HS6ST3: variants seen among roughly 807,000 people sequenced by gnomAD.
HS6ST3 encodes the protein heparan-sulfate 6-O-sulfotransferase 3.
HS6ST3 carries 12 observed loss-of-function variants against 36.7 expected under a neutral mutation model. The ratio of observed to expected loss-of-function variants is 0.33; its 90% CI spans 0.21 to 0.53. The LOEUF (loss-of-function observed/expected upper bound fraction) is 0.53, where lower values mean the gene tolerates loss of function less well. HS6ST3 is among the 20% of genes least tolerant of loss of function. HS6ST3 has a pLI of 0.95. For synonymous variants in HS6ST3, 240 were observed against 257.5 expected (o/e 0.93, Z 0.65); for missense variants, 584 against 640.9 (o/e 0.91, Z 0.96).
At chr13:96,170,853 G>A (rs1052996216) in intron 1 of HS6ST3, among the ~76,000 whole-genome samples, 1 of 152,222 alleles carries the variant, frequency 6.6e-6, no homozygotes, top group African/African-American at 2.4e-5. Context: ...GAAACGTGGT[G>A]GAGGAAACTG....
chr13:96,383,824 A>T (rs1200412277), intron 1 of HS6ST3, among the ~76,000 whole-genome samples: 1 of 152,162 alleles, frequency 6.6e-6, no homozygotes, highest in Non-Finnish European at 1.5e-5. Flanking sequence ...TGATGGACAG[A>T]TGGGGTCCGA....
chr13:96,294,674 G>A (rs974362002), intron 1 of HS6ST3, among the ~76,000 whole-genome samples: 30 of 152,142 alleles, frequency 2.0e-4, no homozygotes, highest in Admixed American at 1.6e-3. Context: ...TGTGTAAAAA[G>A]GCCATGATTA....
chr13:96,796,617 C>T (rs973136057), intron 1 of HS6ST3, among the ~76,000 whole-genome samples: 1 of 152,014 alleles, frequency 6.6e-6, no homozygotes. Flanking sequence ...ATTATGAGAC[C>T]TTGAACACAT....
intron 1 of HS6ST3, among the ~76,000 whole-genome samples, chr13:96,707,270 G>A (rs1421512631): frequency 6.6e-6 from 1 of 152,136 alleles, no homozygotes; most frequent in Non-Finnish European, 1.5e-5. Flanking sequence ...CTCCATGTGA[G>A]AATATGGCAA....
chr13:96,450,021 G>A (rs1431765731), intron 1 of HS6ST3, among the ~76,000 whole-genome samples: 1 of 152,164 alleles, frequency 6.6e-6, no homozygotes, highest in Non-Finnish European at 1.5e-5. Flanking sequence ...AGCAGCCCCA[G>A]GTTGGACAGT....
intron 1 of HS6ST3, among the ~76,000 whole-genome samples, chr13:96,099,712 TTTC>T (rs2053808820): frequency 6.6e-6 from 1 of 152,244 alleles, no homozygotes; most frequent in African/African-American, 2.4e-5. Flanking sequence ...GCTTTCTAGT[TTTC>T]TTATAAACAT....
intron 1 of HS6ST3, among the ~76,000 whole-genome samples, chr13:96,270,520 A>G (rs2054714670): frequency 6.6e-6 from 1 of 151,956 alleles, no homozygotes; most frequent in East Asian, 1.9e-4. Flanking sequence ...TGGATTATGA[A>G]TTACCTTCAC....
chr13:96,116,748 T>C (rs1174135197), intron 1 of HS6ST3, among the ~76,000 whole-genome samples: 1 of 152,116 alleles, frequency 6.6e-6, no homozygotes, highest in Non-Finnish European at 1.5e-5. Context: ...TATTTTAAAT[T>C]GTTGATGAGA....
chr13:96,674,621 A>T (rs1026804917), intron 1 of HS6ST3, among the ~76,000 whole-genome samples: 4 of 151,752 alleles, frequency 2.6e-5, no homozygotes, highest in African/African-American at 9.7e-5. Flanking sequence ...CCTCACATGG[A>T]CTCGTTGTTG....
chr13:96,702,296 C>T (rs1418488475), intron 1 of HS6ST3, among the ~76,000 whole-genome samples: 1 of 152,168 alleles, frequency 6.6e-6, no homozygotes. Flanking sequence ...AAGGAGTCTG[C>T]TTTTTCTTTA....
At chr13:96,442,573 G>C (rs528508776) in intron 1 of HS6ST3, among the ~76,000 whole-genome samples, 1 of 152,110 alleles carries the variant, frequency 6.6e-6, no homozygotes, top group South Asian at 2.1e-4. Context: ...CTTGAACATG[G>C]ATAGCAGAAA....
intron 1 of HS6ST3, among the ~76,000 whole-genome samples, chr13:96,118,288 G>T (rs1036189363): frequency 6.6e-6 from 1 of 152,092 alleles, no homozygotes; most frequent in Non-Finnish European, 1.5e-5. Flanking sequence ...TAGAGATTAG[G>T]ATACAGACAC....
chr13:96,273,723 A>G (rs1261467792), intron 1 of HS6ST3, among the ~76,000 whole-genome samples: 1 of 152,154 alleles, frequency 6.6e-6, no homozygotes, highest in Non-Finnish European at 1.5e-5. Context: ...ACAGAAACTC[A>G]ACTGAAATTA....
intron 1 of HS6ST3, among the ~76,000 whole-genome samples, chr13:96,765,319 T>A (rs112822439): frequency 0.13 from 20,190 of 151,620 alleles, 1,749 homozygotes; most frequent in Non-Finnish European, 0.19. Context: ...TGATCTGCCC[T>A]CCTTGGCCTC....
At chr13:96,163,419 T>TG (rs960619481) in intron 1 of HS6ST3, among the ~76,000 whole-genome samples, 17 of 151,760 alleles carry the variant, frequency 1.1e-4, no homozygotes, top group African/African-American at 3.9e-4. Context: ...TTAGTAGAGA[T>TG]GGGGTTTCAC....
At chr13:96,234,568 A>T (rs1266985899) in intron 1 of HS6ST3, among the ~76,000 whole-genome samples, 1 of 152,152 alleles carries the variant, frequency 6.6e-6, no homozygotes, top group African/African-American at 2.4e-5. Context: ...GAGCAAAGAC[A>T]TGTCTTACAT....
At chr13:96,111,114 C>T (rs2053866427) in intron 1 of HS6ST3, among the ~76,000 whole-genome samples, 1 of 152,118 alleles carries the variant, frequency 6.6e-6, no homozygotes, top group African/African-American at 2.4e-5. Flanking sequence ...GTTGACTGTG[C>T]AGGATCACTC....
chr13:96,478,804 G>T (rs1460202273), intron 1 of HS6ST3, among the ~76,000 whole-genome samples: 1 of 152,130 alleles, frequency 6.6e-6, no homozygotes, highest in Non-Finnish European at 1.5e-5. Flanking sequence ...GGAGATTTGG[G>T]GGCTAAGAAG....
At chr13:96,541,801 C>G (rs1411987487) in intron 1 of HS6ST3, among the ~76,000 whole-genome samples, 2 of 152,132 alleles carry the variant, frequency 1.3e-5, no homozygotes, top group Non-Finnish European at 2.9e-5. Context: ...ATGCCCAAAA[C>G]ATAACATTAT....
Sources: gnomAD v4.1 joint callset for allele counts (sites outside exome capture counted in the v4.1 genomes callset) on GRCh38, gnomAD v4.1.1 for gene constraint, MANE v1.5 for transcripts, NCBI Gene and HGNC (gene_info 2026-07-23, HGNC 2026-07-21) for gene names.